Variants in ENTREP2 observed in about 807,000 individuals in gnomAD.
The protein encoded by ENTREP2 is endosomal transmembrane epsin interactor 2, also known as protein ENTREP2.
chr15:29,549,920 G>T, the ENTREP2 span, among the ~76,000 whole-genome samples: 1 of 152,208 alleles, frequency 6.6e-6, no homozygotes, highest in Non-Finnish European at 1.5e-5. Flanking sequence ...GAGTCAGAGT[G>T]AGTTGGGGTG....
At chr15:29,656,941 G>C in the ENTREP2 span, among the ~76,000 whole-genome samples, 2 of 152,100 alleles carry the variant, frequency 1.3e-5, no homozygotes, top group African/African-American at 4.8e-5. Context: ...TCCATAAATA[G>C]CCCAAATTTC....
At chr15:29,417,536 T>G in the ENTREP2 span, among the ~76,000 whole-genome samples, 1 of 152,140 alleles carries the variant, frequency 6.6e-6, no homozygotes, top group African/African-American at 2.4e-5. Flanking sequence ...GAGATATATC[T>G]AATGCTGAAT....
At chr15:29,263,284 A>T in the ENTREP2 span, among the ~76,000 whole-genome samples, 2 of 152,244 alleles carry the variant, frequency 1.3e-5, no homozygotes, top group Non-Finnish European at 2.9e-5. Flanking sequence ...ATCTTCTGAT[A>T]ACAGGGCAAA....
At chr15:29,609,199 T>G in the ENTREP2 span, among the ~76,000 whole-genome samples, 2 of 150,124 alleles carry the variant, frequency 1.3e-5, 1 homozygote. Flanking sequence ...CATGGGGACT[T>G]GGAAAAACTG....
chr15:29,160,205 C>G, the ENTREP2 span, among the ~76,000 whole-genome samples: 1 of 152,236 alleles, frequency 6.6e-6, no homozygotes, highest in African/African-American at 2.4e-5. Flanking sequence ...CCACTTGGAA[C>G]TCCTGCTGGC....
At chr15:29,135,216 T>C in the ENTREP2 span, among the ~76,000 whole-genome samples, 1 of 151,516 alleles carries the variant, frequency 6.6e-6, no homozygotes, top group East Asian at 1.9e-4. This position sits in a 1 kb window ranked among gnomAD's most constrained non-coding sequence, Gnocchi z 7.4. Context: ...CCCCGAGGCC[T>C]CCAGGACCTC....
the ENTREP2 span, among the ~76,000 whole-genome samples, chr15:29,238,813 A>G: frequency 6.6e-6 from 1 of 152,042 alleles, no homozygotes; most frequent in Admixed American, 6.5e-5. Context: ...GGTGCTACAC[A>G]CTTTTAAACA....
At chr15:29,557,186 T>G in the ENTREP2 span, among the ~76,000 whole-genome samples, 1 of 152,188 alleles carries the variant, frequency 6.6e-6, no homozygotes, top group African/African-American at 2.4e-5. Flanking sequence ...CTTGTGTTAA[T>G]GCTGGGTCTC....
the ENTREP2 span, among the ~76,000 whole-genome samples, chr15:29,274,030 T>C: frequency 6.6e-6 from 1 of 152,202 alleles, no homozygotes; most frequent in African/African-American, 2.4e-5. Flanking sequence ...ATCTATTCTA[T>C]TAATTCTGTC....
chr15:29,653,888 G>A, the ENTREP2 span, among the ~76,000 whole-genome samples: 4 of 152,048 alleles, frequency 2.6e-5, no homozygotes, highest in South Asian at 6.2e-4. Context: ...TCCAGAAATC[G>A]GAAAGAATCT....
chr15:29,332,747 G>A, the ENTREP2 span, among the ~76,000 whole-genome samples: 5 of 152,048 alleles, frequency 3.3e-5, no homozygotes, highest in African/African-American at 1.2e-4. Context: ...ATCACCTGAG[G>A]TTGGAAGTTC....
At chr15:29,140,853 T>C in the ENTREP2 span, among the ~76,000 whole-genome samples, 2 of 152,238 alleles carry the variant, frequency 1.3e-5, no homozygotes, top group Admixed American at 6.5e-5. Context: ...CTGTTTGCCC[T>C]GATCTGTAAC....
At chr15:29,117,985 G>T in the ENTREP2 span, 1 of 152,584 alleles carries the variant, frequency 6.6e-6, no homozygotes, top group South Asian at 2.1e-4. Flanking sequence ...TAGAAAACGC[G>T]ACCTTGGCCG....
chr15:29,467,640 G>A, the ENTREP2 span, among the ~76,000 whole-genome samples: 16 of 152,078 alleles, frequency 1.1e-4, no homozygotes, highest in Non-Finnish European at 2.4e-4. Flanking sequence ...GAGACCACCC[G>A]GTGAAACTAC....
At chr15:29,611,349 GGACA>G in the ENTREP2 span, 2 of 151,706 alleles carry the variant, frequency 1.3e-5, no homozygotes, top group East Asian at 1.9e-4. Flanking sequence ...TCTTTTAGTC[GGACA>G]GACAGAGGCA....
chr15:29,388,395 T>C, the ENTREP2 span, among the ~76,000 whole-genome samples: 1 of 152,080 alleles, frequency 6.6e-6, no homozygotes, highest in African/African-American at 2.4e-5. Flanking sequence ...ATCAGAGAAA[T>C]GCAAATCAAA....
the ENTREP2 span, among the ~76,000 whole-genome samples, chr15:29,620,817 G>T: frequency 6.6e-6 from 1 of 152,116 alleles, no homozygotes; most frequent in Non-Finnish European, 1.5e-5. Context: ...ATCTTACTGA[G>T]AGGTGGGGAA....
chr15:29,407,329 T>C, the ENTREP2 span, among the ~76,000 whole-genome samples: 4,193 of 152,268 alleles, frequency 0.028, 194 homozygotes, highest in African/African-American at 0.096. Flanking sequence ...GGACCACCAT[T>C]GTATACACAG....
chr15:29,469,329 A>G, the ENTREP2 span, among the ~76,000 whole-genome samples: 1 of 152,176 alleles, frequency 6.6e-6, no homozygotes, highest in Non-Finnish European at 1.5e-5. Flanking sequence ...CCTCCTGGGT[A>G]GCTGGAATTA....
Sources: gnomAD v4.1 joint callset for allele counts (sites outside exome capture counted in the v4.1 genomes callset) on GRCh38, gnomAD v4.1.1 for gene constraint, Gnocchi (gnomAD v3.1) non-coding constraint, MANE v1.5 for transcripts, NCBI Gene and HGNC (gene_info 2026-07-23, HGNC 2026-07-21) for gene names.